OSBPL9: variants seen among roughly 807,000 people sequenced by gnomAD.
OSBPL9 encodes oxysterol binding protein like 9, also known as oxysterol-binding protein-related protein 9.
Under a neutral mutation model 106.6 loss-of-function variants are expected in OSBPL9, and 40 were observed. The ratio of observed to expected loss-of-function variants is 0.38; its 90% CI spans 0.29 to 0.49. OSBPL9 has a LOEUF of 0.49. Among genes scored for constraint, OSBPL9 ranks in the 20% least tolerant of loss-of-function variants. The pLI, the probability that OSBPL9 is intolerant of heterozygous loss-of-function variation, is 0.97. For synonymous variants in OSBPL9, 269 were observed against 295.4 expected (o/e 0.91, Z 0.92); for missense variants, 609 against 887.2 (o/e 0.69, Z 3.98).
the OSBPL9 span, among the ~76,000 whole-genome samples, chr1:51,518,738 G>A: frequency 1.3e-5 from 2 of 152,046 alleles, no homozygotes; most frequent in African/African-American, 2.4e-5. Context: ...CTCCTACTGG[G>A]GGCGGCGCGC....
At chr1:51,578,418 G>A (rs1645199066) in intron 1 of OSBPL9, among the ~76,000 whole-genome samples, 1 of 152,176 alleles carries the variant, frequency 6.6e-6, no homozygotes, top group South Asian at 2.1e-4. Flanking sequence ...TTTTTGTTAG[G>A]AGAATAATAT....
At chr1:51,737,436 A>G (rs377726422) in intron 4 of OSBPL9, among the ~76,000 whole-genome samples, 38 of 152,216 alleles carry the variant, frequency 2.5e-4, no homozygotes, top group African/African-American at 8.9e-4. Context: ...ATGAATGTGT[A>G]AAATAAAAAC....
intron 12 of OSBPL9, 36 bp from the exon 13 acceptor site, chr1:51,772,034 T>C (rs907593731): frequency 1.3e-6 from 2 of 1,530,432 alleles, no homozygotes; most frequent in Admixed American, 1.8e-5. Flanking sequence ...TAAATTGCTT[T>C]CTTTAGCTTA....
the OSBPL9 span, among the ~76,000 whole-genome samples, chr1:51,538,963 C>T: frequency 6.6e-6 from 1 of 152,148 alleles, no homozygotes; most frequent in Non-Finnish European, 1.5e-5. Context: ...TTGTCTATTC[C>T]ACCACCCTAA....
the OSBPL9 span, among the ~76,000 whole-genome samples, chr1:51,570,122 C>G: frequency 5.3e-5 from 8 of 152,318 alleles, no homozygotes; most frequent in African/African-American, 1.9e-4. Context: ...CGAGGCTCCC[C>G]TGGGTGACCA....
chr1:51,519,203 G>C, the OSBPL9 span: 1 of 1,422,898 alleles, frequency 7.0e-7, no homozygotes, highest in Non-Finnish European at 9.3e-7. Context: ...CGTTACCTGT[G>C]TCAGAGAGAG....
intron 2 of OSBPL9, among the ~76,000 whole-genome samples, chr1:51,661,674 T>C (rs1262460173): frequency 1.3e-5 from 2 of 152,206 alleles, no homozygotes; most frequent in Non-Finnish European, 2.9e-5. Context: ...AAGAAAAACA[T>C]TGATATTTTT....
chr1:51,597,771 G>C (rs1645310408), intron 1 of OSBPL9, among the ~76,000 whole-genome samples: 1 of 152,164 alleles, frequency 6.6e-6, no homozygotes, highest in African/African-American at 2.4e-5. Context: ...TAGAATTCTA[G>C]GTTGTTTGCC....
chr1:51,783,456 G>A (rs1336200481), intron 17 of OSBPL9, among the ~76,000 whole-genome samples: 2 of 151,968 alleles, frequency 1.3e-5, no homozygotes, highest in South Asian at 2.1e-4. Context: ...AAAGTACTGG[G>A]ATTGCAGGCG....
chr1:51,749,458 A>T (rs2149018895), intron 7 of OSBPL9: 1 of 384,788 alleles, frequency 2.6e-6, no homozygotes, highest in East Asian at 7.4e-5. Flanking sequence ...GGCTATAGGC[A>T]CACGCTACCA....
intron 4 of OSBPL9, among the ~76,000 whole-genome samples, chr1:51,718,904 A>G (rs2148905026): frequency 6.6e-6 from 1 of 152,304 alleles, no homozygotes; most frequent in Admixed American, 6.5e-5. Flanking sequence ...CAAGGTTAAC[A>G]CTACATACAT....
intron 14 of OSBPL9, 44 bp from the exon 15 acceptor site, chr1:51,776,789 A>C: frequency 7.8e-7 from 1 of 1,283,846 alleles, no homozygotes; most frequent in South Asian, 1.3e-5. Flanking sequence ...TGTTTATCTG[A>C]AGAGAAATTT....
chr1:51,656,784 T>C (rs1002331366), intron 2 of OSBPL9, among the ~76,000 whole-genome samples: 5 of 151,998 alleles, frequency 3.3e-5, no homozygotes, highest in Non-Finnish European at 5.9e-5. Context: ...CTCAACCTGC[T>C]GAGTAGCTAG....
chr1:51,527,763 G>A, the OSBPL9 span, among the ~76,000 whole-genome samples: 1 of 152,036 alleles, frequency 6.6e-6, no homozygotes, highest in Admixed American at 6.6e-5. Flanking sequence ...TGAGGGCAAT[G>A]TGGAGTCATT....
the OSBPL9 span, among the ~76,000 whole-genome samples, chr1:51,531,895 GA>G: frequency 6.6e-6 from 1 of 152,152 alleles, no homozygotes; most frequent in Non-Finnish European, 1.5e-5. Context: ...TAGTAAAGGA[GA>G]CCAAAGAAAG....
intron 3 of OSBPL9, among the ~76,000 whole-genome samples, chr1:51,710,134 C>T (rs1659497802): frequency 6.6e-6 from 1 of 152,152 alleles, no homozygotes; most frequent in East Asian, 1.9e-4. Flanking sequence ...CACCTGATTC[C>T]ATGTATTGAT....
intron 3 of OSBPL9, among the ~76,000 whole-genome samples, chr1:51,678,464 C>T (rs1651802692): frequency 6.6e-6 from 1 of 152,014 alleles, no homozygotes; most frequent in Admixed American, 6.6e-5. Context: ...AGTTTGAGAC[C>T]AGCCTGGCCA....
chr1:51,676,113 A>G (rs1651123240), intron 3 of OSBPL9, among the ~76,000 whole-genome samples: 1 of 152,224 alleles, frequency 6.6e-6, no homozygotes, highest in Non-Finnish European at 1.5e-5. Flanking sequence ...GTTATAAAAT[A>G]TATTGTAGAG....
At chr1:51,753,105 G>C (rs1157165413) in intron 8 of OSBPL9, among the ~76,000 whole-genome samples, 1 of 152,118 alleles carries the variant, frequency 6.6e-6, no homozygotes, top group African/African-American at 2.4e-5. Context: ...CCACCTCTCT[G>C]ATGTGCTGTG....
Sources: allele counts gnomAD v4.1 joint callset (sites outside exome capture counted in the v4.1 genomes callset), GRCh38; gene constraint gnomAD v4.1.1; transcripts MANE v1.5; gene names NCBI Gene and HGNC (gene_info 2026-07-23, HGNC 2026-07-21).